Variants in EEFSEC observed in about 807,000 individuals in gnomAD.
EEFSEC encodes eukaryotic elongation factor, selenocysteine-tRNA specific, also known as selenocysteine-specific elongation factor.
EEFSEC carries 43 observed loss-of-function variants against 42.1 expected under a neutral mutation model. That is an observed-to-expected ratio of 1.02 (90% CI 0.80 to 1.32). The LOEUF is 1.32. EEFSEC is among the 40% of genes most tolerant of loss of function. The pLI is 0.00. For synonymous variants in EEFSEC, 354 were observed against 339.1 expected (o/e 1.04, Z -0.48); for missense variants, 745 against 803.6 (o/e 0.93, Z 0.88).
intron 6 of EEFSEC, among the ~76,000 whole-genome samples, chr3:128,362,766 C>T (rs2067543562): frequency 1.3e-5 from 2 of 152,210 alleles, no homozygotes; most frequent in South Asian, 4.1e-4. Context: ...TGATTGAGAA[C>T]ATAGCCCACT....
chr3:128,424,696 T>G, the EEFSEC span, among the ~76,000 whole-genome samples: 1 of 152,310 alleles, frequency 6.6e-6, no homozygotes, highest in South Asian at 2.1e-4. Flanking sequence ...TTTATCATTT[T>G]TATTAAGGAA....
chr3:128,414,782 C>T, the EEFSEC span, among the ~76,000 whole-genome samples: 1 of 152,158 alleles, frequency 6.6e-6, no homozygotes, highest in East Asian at 1.9e-4. Flanking sequence ...GTCTGGAGGC[C>T]GACAGGGAGG....
At chr3:128,186,346 G>C (rs1023199955) in intron 1 of EEFSEC, among the ~76,000 whole-genome samples, 4 of 152,114 alleles carry the variant, frequency 2.6e-5, no homozygotes, top group African/African-American at 9.7e-5. Flanking sequence ...TATATGATTT[G>C]CAAATATTTT....
At chr3:128,220,358 G>A (rs2065850015) in intron 1 of EEFSEC, among the ~76,000 whole-genome samples, 1 of 152,192 alleles carries the variant, frequency 6.6e-6, no homozygotes, top group Admixed American at 6.5e-5. Context: ...TGGTGTTTAT[G>A]TGGCTGTTCA....
At chr3:128,344,193 G>A (rs979122872) in intron 5 of EEFSEC, among the ~76,000 whole-genome samples, 2 of 152,194 alleles carry the variant, frequency 1.3e-5, no homozygotes, top group Non-Finnish European at 2.9e-5. Flanking sequence ...TCTCCTCTGG[G>A]CCCCAGGGCA....
At chr3:128,258,200 C>A (rs1203540156) in intron 2 of EEFSEC, among the ~76,000 whole-genome samples, 1 of 152,032 alleles carries the variant, frequency 6.6e-6, no homozygotes, top group African/African-American at 2.4e-5. Flanking sequence ...TTTTGTCATC[C>A]CCTCTTTGTG....
intron 4 of EEFSEC, among the ~76,000 whole-genome samples, chr3:128,287,700 G>A (rs1305219939): frequency 1.3e-5 from 2 of 152,210 alleles, no homozygotes; most frequent in Non-Finnish European, 2.9e-5. Context: ...GTTACCATCA[G>A]TTGGGGATGC....
chr3:128,243,960 G>A (rs547488635), intron 1 of EEFSEC, among the ~76,000 whole-genome samples: 1 of 152,362 alleles, frequency 6.6e-6, no homozygotes, highest in South Asian at 2.1e-4. Context: ...TTAGGGGCTA[G>A]GTAGTGGCAG....
intron 6 of EEFSEC, among the ~76,000 whole-genome samples, chr3:128,390,455 A>G (rs938459942): frequency 6.6e-6 from 1 of 152,222 alleles, no homozygotes. Context: ...TTTGACCACC[A>G]CAGAAGGGGG....
chr3:128,240,663 T>A (rs115533578), intron 1 of EEFSEC, among the ~76,000 whole-genome samples: 1 of 152,188 alleles, frequency 6.6e-6, no homozygotes, highest in Non-Finnish European at 1.5e-5. Context: ...AAACTAATTC[T>A]CCTTAAAACT....
intron 6 of EEFSEC, among the ~76,000 whole-genome samples, chr3:128,389,096 C>T (rs1300309553): frequency 3.9e-5 from 6 of 152,234 alleles, no homozygotes; most frequent in Admixed American, 6.5e-5. Flanking sequence ...AGGCAGCCTG[C>T]GGTGTCCTGT....
In EEFSEC at chr3:128,358,233, G is replaced by A. The variant is rs1328708657; in HGVS notation, c.1460G>A (p.Ser487Asn). 1.9e-6 allele frequency: 3 copies of A among 1,614,138 alleles called. No homozygotes were observed. Among genetic ancestry groups the A allele is most frequent in the Non-Finnish European group, 2.5e-6 (3 of 1,180,000 alleles). ...GLVERAMDDY[S>N]VIGRSLFKKE... Reference sequence around the variant, plus strand: ...TGGGGACAGGCGATGGATGACTACAGTGTGATCGGCCGCTCCCTGTTCAAA... The same window carrying A: ...TGGGGACAGGCGATGGATGACTACAATGTGATCGGCCGCTCCCTGTTCAAA... Residue 487 changes from serine to asparagine, a missense_variant, in exon 6 of 7, where the codon AGT (serine) becomes AAT (asparagine). Physicochemically the swap from Ser to Asn is conservative, Grantham distance 46. Transcript: ENST00000254730.
chr3:128,247,082 A>C, intron 2 of EEFSEC, 39 bp downstream of exon 2: 1 of 1,602,636 alleles, frequency 6.2e-7, no homozygotes, highest in Non-Finnish European at 8.5e-7. Context: ...CTGCATAAGA[A>C]GGCTTCTGGG....
At chr3:128,298,669 A>C (rs1187429308) in intron 4 of EEFSEC, among the ~76,000 whole-genome samples, 1 of 152,228 alleles carries the variant, frequency 6.6e-6, no homozygotes, top group East Asian at 1.9e-4. Flanking sequence ...GTACGTTAGA[A>C]CACTAGATCT....
chr3:128,182,893 G>C (rs367789376), intron 1 of EEFSEC, among the ~76,000 whole-genome samples: 16,686 of 142,296 alleles, frequency 0.12, 1,353 homozygotes, highest in Middle Eastern at 0.18. Context: ...CGGGGGGGTG[G>C]GGTGGTTGGT....
intron 6 of EEFSEC, among the ~76,000 whole-genome samples, chr3:128,398,609 G>A (rs1038605792): frequency 2.0e-5 from 3 of 152,110 alleles, no homozygotes; most frequent in Middle Eastern, 3.2e-3. Context: ...CCGTGTCCGG[G>A]CCCTGGGGCA....
At chr3:128,313,824 C>T (rs993014601) in intron 4 of EEFSEC, among the ~76,000 whole-genome samples, 1 of 152,194 alleles carries the variant, frequency 6.6e-6, no homozygotes, top group African/African-American at 2.4e-5. Flanking sequence ...GCAAAAGATG[C>T]CAAGGTTATG....
At chr3:128,417,934 A>C in the EEFSEC span, among the ~76,000 whole-genome samples, 240 of 152,076 alleles carry the variant, frequency 1.6e-3, 1 homozygote, top group Middle Eastern at 0.01. The surrounding 1 kb of genome is among the most constrained non-coding windows in gnomAD (Gnocchi z 4.3). Flanking sequence ...GCCCCCAGCC[A>C]GGACCCGGGG....
chr3:128,166,359 G>A (rs1259993658), intron 1 of EEFSEC, among the ~76,000 whole-genome samples: 11 of 152,184 alleles, frequency 7.2e-5, no homozygotes, highest in Admixed American at 6.5e-4. Context: ...ACAGTGGCAC[G>A]GTCCAACATG....
Sources: allele counts gnomAD v4.1 joint callset (sites outside exome capture counted in the v4.1 genomes callset), GRCh38; gene constraint gnomAD v4.1.1; non-coding constraint Gnocchi (gnomAD v3.1); transcripts MANE v1.5; gene names NCBI Gene and HGNC (gene_info 2026-07-23, HGNC 2026-07-21).